AKAP6: variants seen among roughly 807,000 people sequenced by gnomAD.
AKAP6 encodes A-kinase anchoring protein 6.
AKAP6 carries 58 observed loss-of-function variants against 188.5 expected under a neutral mutation model. That is an observed-to-expected ratio of 0.31 (90% CI 0.25 to 0.38). The LOEUF (loss-of-function observed/expected upper bound fraction) is 0.38. Ranked by LOEUF, AKAP6 falls within the 10% of genes least tolerant of loss-of-function variation. AKAP6 has a pLI of 1.00. For synonymous variants in AKAP6, 989 were observed against 998.6 expected (o/e 0.99, Z 0.18); for missense variants, 2,710 against 2,740.0 (o/e 0.99, Z 0.24).
chr14:32,420,722 T>C (rs1889813476), intron 1 of AKAP6, among the ~76,000 whole-genome samples: 1 of 152,146 alleles, frequency 6.6e-6, no homozygotes. Flanking sequence ...TGACCTGTTG[T>C]AGTCTGGACT....
At chr14:32,743,526 G>A (rs907107968) in intron 11 of AKAP6, among the ~76,000 whole-genome samples, 2 of 151,912 alleles carry the variant, frequency 1.3e-5, no homozygotes, top group African/African-American at 4.8e-5. Flanking sequence ...CATTGTTTGT[G>A]TATCCATTTG....
At chr14:32,781,232 A>G (rs2033240676) in intron 12 of AKAP6, among the ~76,000 whole-genome samples, 1 of 151,966 alleles carries the variant, frequency 6.6e-6, no homozygotes, top group African/African-American at 2.4e-5. Flanking sequence ...ATAAATTATC[A>G]GTATCAGGAA....
At chr14:32,786,996 A>G (rs1359922901) in intron 12 of AKAP6, among the ~76,000 whole-genome samples, 1 of 152,226 alleles carries the variant, frequency 6.6e-6, no homozygotes, top group Non-Finnish European at 1.5e-5. Context: ...AATACATAAC[A>G]CATCTAGCCA....
At chr14:32,690,291 T>A (rs1305261700) in intron 8 of AKAP6, among the ~76,000 whole-genome samples, 1 of 152,168 alleles carries the variant, frequency 6.6e-6, no homozygotes, top group Admixed American at 6.5e-5. Context: ...CACCTCCCAT[T>A]GATTTCACTT....
At position 32,724,521 on chromosome 14, in the gene AKAP6, G is replaced by A. The variant is rs190969401; in HGVS notation, c.3001-7933G>A. Among the ~76,000 whole-genome samples, 526 of 152,290 alleles carry A rather than the reference G, an allele frequency of 3.5e-3. 4 individuals carry two copies. Among genetic ancestry groups the A allele is most frequent in the Non-Finnish European group, 3.5e-3 (237 of 68,028 alleles). On this transcript the variant is annotated intron_variant, in intron 9 of 13. Coordinates refer to ENST00000280979, the MANE Select transcript of AKAP6 (RefSeq NM_004274.5). Reference sequence around the variant, plus strand: ...AATTATGTTTAAAATCTGGTTAGTAGTGTAGTAAATAACTGGTATTGCTAC... The same window carrying A: ...AATTATGTTTAAAATCTGGTTAGTAATGTAGTAAATAACTGGTATTGCTAC...
chr14:32,755,923 C>G (rs950333129), intron 11 of AKAP6, among the ~76,000 whole-genome samples: 1 of 152,258 alleles, frequency 6.6e-6, no homozygotes, highest in East Asian at 1.9e-4. Flanking sequence ...TGGGGCTAGG[C>G]ATTTGTGCCT....
At chr14:32,792,743 T>C (rs1264624497) in intron 12 of AKAP6, among the ~76,000 whole-genome samples, 1 of 152,240 alleles carries the variant, frequency 6.6e-6, no homozygotes, top group East Asian at 1.9e-4. Flanking sequence ...CAATATGATA[T>C]TGGCTATGGG....
At chr14:32,609,890 C>T (rs1052012311) in intron 7 of AKAP6, among the ~76,000 whole-genome samples, 7 of 91,406 alleles carry the variant, frequency 7.7e-5, no homozygotes, top group African/African-American at 3.2e-4. Context: ...GACACACACA[C>T]ACACACACAC....
At chr14:32,528,355 G>A (rs1012071631) in intron 2 of AKAP6, among the ~76,000 whole-genome samples, 4 of 151,458 alleles carry the variant, frequency 2.6e-5, no homozygotes, top group African/African-American at 9.7e-5. Context: ...AAGGGTGTAA[G>A]GTCAATGTCT....
chr14:32,631,047 AG>A (rs1276165880), intron 7 of AKAP6, among the ~76,000 whole-genome samples: 1 of 152,040 alleles, frequency 6.6e-6, no homozygotes, highest in East Asian at 1.9e-4. Context: ...GATTTAAATT[AG>A]ATCAAGATAT....
intron 7 of AKAP6, among the ~76,000 whole-genome samples, chr14:32,652,160 A>C (rs978638531): frequency 1.3e-5 from 2 of 152,122 alleles, no homozygotes; most frequent in Non-Finnish European, 2.9e-5. Flanking sequence ...AAAAGTTTCC[A>C]TAATAATGAA....
intron 2 of AKAP6, among the ~76,000 whole-genome samples, chr14:32,476,509 A>T (rs919526845): frequency 3.9e-5 from 6 of 152,162 alleles, no homozygotes; most frequent in Non-Finnish European, 8.8e-5. Flanking sequence ...TTGCAATAAG[A>T]TTTTTGTATA....
In AKAP6 at chr14:32,344,320, T is replaced by C. The variant is rs181084904; in HGVS notation, c.-35+14912T>C. 2.0e-5 allele frequency among the ~76,000 whole-genome samples: 3 copies of C among 152,300 alleles called. No individual in the cohort carries two copies. The East Asian group carries it at 5.8e-4, about 29-fold the overall frequency. On this transcript the variant is annotated intron_variant, in intron 1 of 13. Coordinates refer to ENST00000280979, the MANE Select transcript of AKAP6 (RefSeq NM_004274.5). ...TCCTGAATATAACACCAATCCAACA[T>C]GCATTGATCTAATGCCTACATAGTG...
At chr14:32,600,136 G>A (rs985307488) in intron 6 of AKAP6, among the ~76,000 whole-genome samples, 8 of 152,170 alleles carry the variant, frequency 5.3e-5, no homozygotes, top group African/African-American at 1.9e-4. Context: ...TTTGAGCTTA[G>A]CACAGCTAAA....
At chr14:32,634,929 G>A (rs912474794) in intron 7 of AKAP6, among the ~76,000 whole-genome samples, 2 of 151,416 alleles carry the variant, frequency 1.3e-5, no homozygotes, top group African/African-American at 4.9e-5. Flanking sequence ...TTTGGGGAAC[G>A]GGTGGTGATT....
Position 32,599,572 on chromosome 14 carries a change from T to C in AKAP6, c.2566+66T>C. 3 of 1,191,912 alleles carry C rather than the reference T, an allele frequency of 2.5e-6. No individual in the cohort carries two copies. In the South Asian group the frequency reaches 3.9e-5, roughly 16 times the overall value. 73.8% of individuals were successfully genotyped at this position (1,191,912 alleles called of 1,614,324 possible). A position where few individuals can be genotyped will look rare whatever the true frequency, so the allele number is the denominator to read the frequency against. Reference sequence around the variant, plus strand: ...ACTATTAAGAATGAAGAAGCATTGCTGTAAATTACTGCATATATTCACTTC... The same window carrying C: ...ACTATTAAGAATGAAGAAGCATTGCCGTAAATTACTGCATATATTCACTTC... On this transcript the variant is annotated intron_variant, in intron 6 of 13. Coordinates refer to ENST00000280979, the MANE Select transcript of AKAP6 (RefSeq NM_004274.5).
intron 4 of AKAP6, among the ~76,000 whole-genome samples, chr14:32,555,967 G>A (rs1029440478): frequency 2.0e-5 from 3 of 151,332 alleles, no homozygotes; most frequent in African/African-American, 7.3e-5. Context: ...CCAAAAATTG[G>A]ATTGCTGGAT....
intron 2 of AKAP6, among the ~76,000 whole-genome samples, chr14:32,491,689 A>G (rs1380106786): frequency 6.6e-6 from 1 of 152,202 alleles, no homozygotes; most frequent in Non-Finnish European, 1.5e-5. Context: ...TTCCAACTCC[A>G]GTGACTTTGT....
chr14:32,352,550 C>G (rs1395489965), intron 1 of AKAP6, among the ~76,000 whole-genome samples: 1 of 152,176 alleles, frequency 6.6e-6, no homozygotes, highest in East Asian at 1.9e-4. Context: ...CAATCTCCCT[C>G]CATCTCTCCC....
Sources: allele counts gnomAD v4.1 joint callset (sites outside exome capture counted in the v4.1 genomes callset), GRCh38; gene constraint gnomAD v4.1.1; transcripts MANE v1.5; gene names NCBI Gene and HGNC (gene_info 2026-07-23, HGNC 2026-07-21).